The following NEDD9 variants were observed in gnomAD, a reference collection of about 807,000 sequenced individuals.
The protein encoded by NEDD9 is enhancer of filamentation 1.
NEDD9 carries 26 observed loss-of-function variants against 76.6 expected under a neutral mutation model. That is an observed-to-expected ratio of 0.34 (90% CI 0.25 to 0.47). The LOEUF is 0.47. Ranked by LOEUF, NEDD9 falls within the 20% of genes least tolerant of loss-of-function variation. The pLI is 1.00. For synonymous variants in NEDD9, 392 were observed against 414.2 expected, an observed-to-expected ratio of 0.95 and a Z score of 0.65; for missense variants, 937 against 1,058.5, an observed-to-expected ratio of 0.89 and a Z score of 1.59.
At chr6:11,267,993 G>C (rs567191466) in intron 3 of NEDD9, among the ~76,000 whole-genome samples, 1 of 152,250 alleles carries the variant, frequency 6.6e-6, no homozygotes, top group African/African-American at 2.4e-5. Flanking sequence ...CTCTGAAACT[G>C]GATGTCAGTG....
At chr6:11,371,316 C>G (rs908470054) in intron 1 of NEDD9, among the ~76,000 whole-genome samples, 1 of 152,118 alleles carries the variant, frequency 6.6e-6, no homozygotes, top group Admixed American at 6.5e-5. Flanking sequence ...GGGTTCGCAC[C>G]TGGTGGTGTA....
chr6:11,365,317 G>A lies in NEDD9; in HGVS notation c.-214+16822C>T, dbSNP rs111830379. 3.6e-3 allele frequency among the ~76,000 whole-genome samples: 551 copies of A among 152,164 alleles called. 4 individuals are homozygous for A. The highest frequency in any genetic ancestry group is 0.013 in the African/African-American group (532 of 41,508). ...AAAAAAACAGCTCTTCCTGCTGACCGCCTGCCTATAATAAGTCATAGCTTA... is the reference window on the plus strand; with the variant it reads ...AAAAAAACAGCTCTTCCTGCTGACCACCTGCCTATAATAAGTCATAGCTTA... On this transcript the variant is annotated intron_variant, in intron 1 of 3. Transcript: ENST00000397378.
chr6:11,356,267 G>A (rs749808673), intron 1 of NEDD9, among the ~76,000 whole-genome samples: 14 of 152,074 alleles, frequency 9.2e-5, no homozygotes, highest in African/African-American at 2.9e-4. Flanking sequence ...CACACCTGAC[G>A]GATCCTAAGA....
intron 1 of NEDD9, among the ~76,000 whole-genome samples, chr6:11,224,010 G>A (rs1759231375): frequency 6.6e-6 from 1 of 152,062 alleles, no homozygotes; most frequent in Non-Finnish European, 1.5e-5. Flanking sequence ...CAGTCCCCAG[G>A]TTCAAATATC....
At chr6:11,208,256 A>C (rs1019299627) in intron 2 of NEDD9, among the ~76,000 whole-genome samples, 1 of 152,168 alleles carries the variant, frequency 6.6e-6, no homozygotes, top group African/African-American at 2.4e-5. Context: ...AATTGGGCAA[A>C]ATGCACAGAA....
At chr6:11,230,730 A>G (rs894011754) in intron 1 of NEDD9, among the ~76,000 whole-genome samples, 3 of 152,216 alleles carry the variant, frequency 2.0e-5, no homozygotes, top group African/African-American at 7.2e-5. Context: ...AATAAAAATC[A>G]TGTATTTACA....
intron 3 of NEDD9, among the ~76,000 whole-genome samples, chr6:11,297,764 G>A (rs376474975): frequency 6.6e-6 from 1 of 152,064 alleles, no homozygotes; most frequent in Non-Finnish European, 1.5e-5. Context: ...CTTTGAGGTC[G>A]GTACTATTCT....
chr6:11,348,383 TC>T, intron 1 of NEDD9, among the ~76,000 whole-genome samples: 1 of 152,324 alleles, frequency 6.6e-6, no homozygotes, highest in African/African-American at 2.4e-5. Context: ...TCAATGCTAT[TC>T]CTATCAAACT....
upstream of NEDD9, among the ~76,000 whole-genome samples, chr6:11,234,826 T>C (rs116325786): frequency 0.019 from 2,905 of 151,288 alleles, 40 homozygotes; most frequent in South Asian, 0.045. Context: ...AGCAATTCCC[T>C]CAGCCTCCCG....
In NEDD9 at chr6:11,184,970, TC is replaced by T; in HGVS notation, c.*191del. The stretch of plus-strand genomic sequence containing the variant: ...ACTTCTATGTATACATAAGAACCAC[TC>T]AGGGGGAAAAAAAAAGATTTCCCTC... On this transcript the variant is annotated 3_prime_UTR_variant, in exon 7 of 7. Coordinates refer to ENST00000379446, the MANE Select transcript of NEDD9 (RefSeq NM_006403.4). 1 of 690,260 alleles carries T rather than the reference TC, an allele frequency of 1.4e-6. No individual in the cohort carries two copies. Among genetic ancestry groups the T allele is most frequent in the South Asian group, 2.4e-5 (1 of 42,538 alleles). 42.8% of individuals were successfully genotyped at this position (690,260 alleles called of 1,614,324 possible).
intron 2 of NEDD9, among the ~76,000 whole-genome samples, chr6:11,307,886 G>C (rs928095011): frequency 6.6e-6 from 1 of 152,054 alleles, no homozygotes; most frequent in Non-Finnish European, 1.5e-5. Context: ...GTTGGGCCTT[G>C]TGCTTTTGGG....
intron 2 of NEDD9, among the ~76,000 whole-genome samples, chr6:11,319,390 T>A (rs991157647): frequency 6.3e-5 from 8 of 127,134 alleles, no homozygotes; most frequent in Non-Finnish European, 1.2e-4. Context: ...AGTCTCACAC[T>A]CACACACACT....
chr6:11,358,327 TC>T (rs1460333354), intron 1 of NEDD9, among the ~76,000 whole-genome samples: 2 of 150,844 alleles, frequency 1.3e-5, no homozygotes, highest in Non-Finnish European at 2.9e-5. Context: ...TAACACCTTT[TC>T]CCTGATGTCA....
intron 3 of NEDD9, among the ~76,000 whole-genome samples, chr6:11,280,558 G>A (rs1171992949): frequency 3.9e-5 from 6 of 152,210 alleles, no homozygotes; most frequent in Non-Finnish European, 7.3e-5. Flanking sequence ...CTGCACCCCA[G>A]AGTCTGACCT....
intron 3 of NEDD9, among the ~76,000 whole-genome samples, chr6:11,268,132 C>T (rs1760234419): frequency 1.3e-5 from 2 of 152,078 alleles, no homozygotes; most frequent in Non-Finnish European, 2.9e-5. Flanking sequence ...CAGGCTCAGG[C>T]GATTCTCCCT....
chr6:11,211,865 C>T (rs986036507), intron 2 of NEDD9, among the ~76,000 whole-genome samples: 10 of 152,082 alleles, frequency 6.6e-5, no homozygotes, highest in African/African-American at 2.2e-4. Context: ...AGGAATCTAC[C>T]CACACAGGGT....
intron 3 of NEDD9, among the ~76,000 whole-genome samples, chr6:11,268,583 C>T (rs939107184): frequency 6.6e-6 from 1 of 152,006 alleles, no homozygotes; most frequent in African/African-American, 2.4e-5. Context: ...CAAAAATTAG[C>T]CTGGCGTGAT....
chr6:11,207,358 G>C (rs1407654652), intron 2 of NEDD9: 2 of 152,222 alleles, frequency 1.3e-5, no homozygotes, highest in Non-Finnish European at 2.9e-5. Flanking sequence ...GTGTGTATGT[G>C]TATGTGTATG....
intron 3 of NEDD9, among the ~76,000 whole-genome samples, chr6:11,280,022 T>C (rs1386388650): frequency 6.6e-6 from 1 of 152,214 alleles, no homozygotes; most frequent in Non-Finnish European, 1.5e-5. Context: ...CCTTGGCCTA[T>C]TGACATTTGG....
Sources: allele counts gnomAD v4.1 joint callset (sites outside exome capture counted in the v4.1 genomes callset), GRCh38; gene constraint gnomAD v4.1.1; transcripts MANE v1.5; gene names NCBI Gene and HGNC (gene_info 2026-07-23, HGNC 2026-07-21).